The following FAT3 variants were observed in gnomAD, a reference collection of about 807,000 sequenced individuals.
FAT3 encodes FAT atypical cadherin 3, also known as protocadherin Fat 3.
A neutral mutation model predicts 310.2 loss-of-function variants in FAT3; 95 were observed. The ratio of observed to expected loss-of-function variants is 0.31; its 90% CI spans 0.26 to 0.36. FAT3 has a LOEUF of 0.36. Among genes scored for constraint, FAT3 ranks in the 10% least tolerant of loss-of-function variants. FAT3 has a pLI of 1.00. For missense variants in FAT3, 5,408 were observed against 5,715.6 expected (o/e 0.95, Z 1.74); for synonymous variants, 2,314 against 2,192.9 (o/e 1.06, Z -1.54).
chr11:92,500,580 T>G (rs184807670), intron 2 of FAT3, among the ~76,000 whole-genome samples: 1 of 152,196 alleles, frequency 6.6e-6, no homozygotes, highest in African/African-American at 2.4e-5. Context: ...AACATCCTTC[T>G]TGGAAGTTTT....
chr11:92,544,441 T>C (rs748977836), intron 3 of FAT3, among the ~76,000 whole-genome samples: 2 of 152,200 alleles, frequency 1.3e-5, no homozygotes, highest in East Asian at 3.9e-4. Context: ...CTTGATTATA[T>C]GAATGCTTCA....
intron 2 of FAT3, among the ~76,000 whole-genome samples, chr11:92,512,451 G>A (rs1591385018): frequency 6.7e-6 from 1 of 149,338 alleles, no homozygotes; most frequent in South Asian, 2.1e-4. Flanking sequence ...AAAGGTTAAA[G>A]CAAAGGGGAC....
intron 1 of FAT3, among the ~76,000 whole-genome samples, chr11:92,252,220 G>A (rs12361822): frequency 1.8e-4 from 28 of 152,252 alleles, no homozygotes; most frequent in South Asian, 2.1e-4. Context: ...TGTCAGAAGG[G>A]AAAATGCAGA....
chr11:92,831,952 T>C lies in FAT3; in HGVS notation c.9812T>C (p.Ile3271Thr), dbSNP rs1948272306. The C allele has an allele frequency of 6.3e-7, 1 of 1,586,238 alleles. No individual in the cohort carries two copies. Residue 3271 changes from isoleucine to threonine, a missense_variant, in exon 14 of 28, where the codon ATC (isoleucine) becomes ACC (threonine). Coordinates refer to ENST00000525166, the MANE Select transcript of FAT3 (RefSeq NM_001367949.2). Reference sequence around the variant, plus strand: ...AAAGATATTGGCACAAATGCTGAGATCACTTATCTCATCCGGTCTGGGAAC... The same window carrying C: ...AAAGATATTGGCACAAATGCTGAGACCACTTATCTCATCCGGTCTGGGAAC... ...TSKDIGTNAE[I>T]TYLIRSGNEQ...
chr11:92,412,732 T>TATATATACAC (rs1565296340), intron 2 of FAT3, among the ~76,000 whole-genome samples: 230 of 17,880 alleles, frequency 0.013, 16 homozygotes, highest in South Asian at 0.04. Flanking sequence ...TATATATATA[T>TATATATACAC]ATATATATAT....
intron 4 of FAT3, among the ~76,000 whole-genome samples, chr11:92,751,297 C>A (rs2136054004): frequency 6.6e-6 from 1 of 152,062 alleles, no homozygotes; most frequent in Admixed American, 6.5e-5. Flanking sequence ...CATCTTACTC[C>A]AAGACTGATA....
chr11:92,553,548 A>C (rs2135445975), intron 3 of FAT3, among the ~76,000 whole-genome samples: 1 of 152,294 alleles, frequency 6.6e-6, no homozygotes, highest in Middle Eastern at 3.4e-3. Context: ...TACACATTAA[A>C]ACCAGATGTT....
intron 2 of FAT3, among the ~76,000 whole-genome samples, chr11:92,394,598 CA>C (rs1431298508): frequency 1.3e-5 from 2 of 150,686 alleles, no homozygotes; most frequent in Admixed American, 1.3e-4. Flanking sequence ...GGGATTTGGG[CA>C]AATTCCTTGA....
intron 3 of FAT3, among the ~76,000 whole-genome samples, chr11:92,540,322 C>T (rs1954404061): frequency 6.6e-6 from 1 of 152,126 alleles, no homozygotes; most frequent in African/African-American, 2.4e-5. Context: ...ACGTCAGTAG[C>T]CAAGCTTTAC....
At chr11:92,889,154 T>C (rs1456804863) in intron 25 of FAT3, 35 bp from the exon 26 acceptor site, 1 of 700,288 alleles carries the variant, frequency 1.4e-6, no homozygotes, top group Non-Finnish European at 2.6e-6. Context: ...GAAGCTGTCC[T>C]TCCCCTACCT....
chr11:92,705,788 G>T, intron 4 of FAT3, among the ~76,000 whole-genome samples: 1 of 125,078 alleles, frequency 8.0e-6, no homozygotes, highest in African/African-American at 3.1e-5. Flanking sequence ...TGATGGTGGT[G>T]GTGTGATGGT....
chr11:92,356,639 G>A (rs1948738491), intron 2 of FAT3, among the ~76,000 whole-genome samples: 1 of 152,110 alleles, frequency 6.6e-6, no homozygotes, highest in African/African-American at 2.4e-5. Flanking sequence ...CATTAAGGCT[G>A]TACCCTCATG....
At chr11:92,412,730 T>TATACACACAC in intron 2 of FAT3, among the ~76,000 whole-genome samples, 1 of 22,890 alleles carries the variant, frequency 4.4e-5, no homozygotes, top group African/African-American at 9.6e-5. Flanking sequence ...TATATATATA[T>TATACACACAC]ATATATATAT....
chr11:92,391,699 A>G (rs903903483), intron 2 of FAT3, among the ~76,000 whole-genome samples: 5 of 152,200 alleles, frequency 3.3e-5, no homozygotes, highest in African/African-American at 1.2e-4. Flanking sequence ...TGGAGTATGC[A>G]AATGTTTGAC....
At chr11:92,793,101 C>G in intron 9 of FAT3, 124 bp downstream of exon 9, 1 of 956,244 alleles carries the variant, frequency 1.0e-6, no homozygotes, top group Non-Finnish European at 1.5e-6. Flanking sequence ...CTTTTTTGGC[C>G]AAGCCGCTGT....
chr11:92,880,734 A>G lies in FAT3; in HGVS notation c.12131A>G (p.Tyr4044Cys). 1 of 1,612,878 alleles carries G rather than the reference A, an allele frequency of 6.2e-7. No individual in the cohort carries two copies. The highest frequency in any genetic ancestry group is 8.5e-7 in the Non-Finnish European group (1 of 1,179,424). ...ATGAGGTCCTCTGTTTCCCCAGGCT[A>G]TCAGTGTACCTGTCTCTCACAGTTT... ...GSCTGLPSGG[Y>C]QCTCLSQFTG... Residue 4044 changes from tyrosine to cysteine, a missense_variant, in exon 23 of 28, where the codon TAT (tyrosine) becomes TGT (cysteine). Coordinates refer to ENST00000525166, the MANE Select transcript of FAT3 (RefSeq NM_001367949.2).
At chr11:92,583,609 TTGA>T (rs1326077739) in intron 3 of FAT3, among the ~76,000 whole-genome samples, 1 of 151,920 alleles carries the variant, frequency 6.6e-6, no homozygotes, top group Non-Finnish European at 1.5e-5. Context: ...AATAGTTCTC[TTGA>T]TGAATTTTCA....
At position 92,273,210 on chromosome 11, in the gene FAT3, T is replaced by C. The variant is rs545011772; in HGVS notation, c.-18+48036T>C. Among the ~76,000 whole-genome samples the C allele has an allele frequency of 3.6e-4, 55 of 152,272 alleles. 1 individual carries two copies. The South Asian group carries it at 9.9e-3, about 28-fold the overall frequency. ...CCCCCTGCCATTATCTCATGTATTT[T>C]ATAAAAGTGATGCCAAATCTGTTTC... On this transcript the variant is annotated intron_variant, in intron 1 of 27. Coordinates refer to ENST00000525166, the MANE Select transcript of FAT3 (RefSeq NM_001367949.2).
chr11:92,730,325 G>A (rs572423971), intron 4 of FAT3, among the ~76,000 whole-genome samples: 4 of 152,276 alleles, frequency 2.6e-5, no homozygotes, highest in East Asian at 1.9e-4. Context: ...GAGACAGAGT[G>A]AGATCGTGTC....
Sources: gnomAD v4.1 joint callset for allele counts (sites outside exome capture counted in the v4.1 genomes callset) on GRCh38, gnomAD v4.1.1 for gene constraint, MANE v1.5 for transcripts, NCBI Gene and HGNC (gene_info 2026-07-23, HGNC 2026-07-21) for gene names.